MAP3K14: variants seen among roughly 807,000 people sequenced by gnomAD.
The protein encoded by MAP3K14 is mitogen-activated protein kinase kinase kinase 14.
MAP3K14 carries 16 observed loss-of-function variants against 99.2 expected under a neutral mutation model. That is an observed-to-expected ratio of 0.16 (90% confidence interval 0.11 to 0.24). The LOEUF (loss-of-function observed/expected upper bound fraction) is 0.24. Among genes scored for constraint, MAP3K14 ranks in the 10% least tolerant of loss-of-function variants. The pLI is 1.00. For missense variants in MAP3K14, 784 were observed against 1,208.7 expected (o/e 0.65, Z 5.21); for synonymous variants, 462 against 492.4 (o/e 0.94, Z 0.82).
chr17:45,290,532 C>T lies in MAP3K14; in HGVS notation c.214G>A (p.Glu72Lys), dbSNP rs757101873. The T allele has an allele frequency of 1.8e-5, 29 of 1,613,804 alleles. No homozygotes were observed. Among genetic ancestry groups the T allele is most frequent in the Admixed American group, 5.0e-5 (3 of 59,994 alleles). Reference protein sequence around the residue: ...ITKGTAKEGSEAGPAAISIIA... With the variant: ...ITKGTAKEGSKAGPAAISIIA... Reference sequence around the variant, plus strand: ...ATAGAGATGGCAGCTGGCCCTGCCTCGGAGCCTTCCTTGGCTGTGCCCTTG... The same window carrying T: ...ATAGAGATGGCAGCTGGCCCTGCCTTGGAGCCTTCCTTGGCTGTGCCCTTG... Residue 72 changes from glutamate (E) to lysine (K), a missense_variant, in exon 2 of 16, where the codon GAG becomes AAG. Coordinates refer to ENST00000344686, the MANE Select transcript of MAP3K14 (RefSeq NM_003954.5).
intron 5 of MAP3K14, among the ~76,000 whole-genome samples, chr17:45,285,493 G>A (rs2044256466): frequency 6.6e-6 from 1 of 152,104 alleles, no homozygotes; most frequent in Non-Finnish European, 1.5e-5. Context: ...AGGCATGGTA[G>A]TGCACACCTG....
intron 1 of MAP3K14, among the ~76,000 whole-genome samples, chr17:45,298,529 GAAGT>G (rs1273722125): frequency 5.3e-5 from 8 of 152,174 alleles, no homozygotes; most frequent in Non-Finnish European, 1.2e-4. Context: ...TAACCACAAA[GAAGT>G]AATATTCGTA....
intron 1 of MAP3K14, among the ~76,000 whole-genome samples, chr17:45,313,421 A>T (rs1363418609): frequency 6.6e-6 from 1 of 152,104 alleles, no homozygotes; most frequent in East Asian, 1.9e-4. Context: ...TTTCTACTCA[A>T]AACAGCCCCA....
At chr17:45,285,498 C>T (rs1021801699) in intron 5 of MAP3K14, among the ~76,000 whole-genome samples, 1 of 152,004 alleles carries the variant, frequency 6.6e-6, no homozygotes. Flanking sequence ...TGGTAGTGCA[C>T]ACCTGTAGTC....
At chr17:45,312,470 G>T (rs1183839789) in intron 1 of MAP3K14, among the ~76,000 whole-genome samples, 1 of 152,174 alleles carries the variant, frequency 6.6e-6, no homozygotes, top group Non-Finnish European at 1.5e-5. Context: ...GTTATTTAAA[G>T]GGAACAGTAG....
At chr17:45,299,705 CA>C in intron 1 of MAP3K14, among the ~76,000 whole-genome samples, 1 of 152,178 alleles carries the variant, frequency 6.6e-6, no homozygotes, top group Non-Finnish European at 1.5e-5. Flanking sequence ...AAGCATTTCC[CA>C]TTAAGGAGGA....
At chr17:45,307,776 G>A (rs2044441576) in intron 1 of MAP3K14, among the ~76,000 whole-genome samples, 1 of 152,218 alleles carries the variant, frequency 6.6e-6, no homozygotes, top group Non-Finnish European at 1.5e-5. Flanking sequence ...CTGGTGACTG[G>A]TTCTGAAATT....
intron 11 of MAP3K14, chr17:45,268,391 T>C (rs1302420918): frequency 2.0e-5 from 3 of 152,186 alleles, no homozygotes; most frequent in Non-Finnish European, 4.4e-5. Flanking sequence ...TTGCAAAATG[T>C]GCGTTGTTTT....
chr17:45,289,773 C>T (rs936345713), intron 2 of MAP3K14, among the ~76,000 whole-genome samples: 3 of 152,142 alleles, frequency 2.0e-5, no homozygotes, highest in Admixed American at 1.3e-4. Context: ...AAAAACCAAC[C>T]AGGAGGAAGT....
intron 1 of MAP3K14, among the ~76,000 whole-genome samples, chr17:45,303,969 C>T (rs2044410800): frequency 1.3e-5 from 2 of 150,878 alleles, no homozygotes; most frequent in African/African-American, 4.9e-5. Flanking sequence ...ACTATGAATA[C>T]TATTCCATCT....
chr17:45,279,713 G>A (rs193211962), intron 6 of MAP3K14, among the ~76,000 whole-genome samples: 94 of 151,766 alleles, frequency 6.2e-4, no homozygotes, highest in African/African-American at 1.9e-3. Flanking sequence ...GTGAGCCACC[G>A]CACCCAGCCT....
intron 1 of MAP3K14, among the ~76,000 whole-genome samples, chr17:45,301,961 T>G (rs1367183506): frequency 6.6e-6 from 1 of 151,988 alleles, no homozygotes; most frequent in Non-Finnish European, 1.5e-5. Flanking sequence ...GTCTCCCAAG[T>G]AGCTGGGACA....
At chr17:45,311,811 T>C (rs1259852303) in intron 1 of MAP3K14, among the ~76,000 whole-genome samples, 1 of 152,150 alleles carries the variant, frequency 6.6e-6, no homozygotes, top group Non-Finnish European at 1.5e-5. Context: ...GTCTCTCTGC[T>C]CTCTGCCAAG....
intron 8 of MAP3K14, 59 bp downstream of exon 8, chr17:45,274,060 TCAGA>T (rs1293600166): frequency 6.4e-7 from 1 of 1,574,734 alleles, no homozygotes; most frequent in African/African-American, 1.3e-5. Context: ...TGAGAGGAGA[TCAGA>T]CAGGATGGTG....
chr17:45,276,246 C>A (rs1371197342), intron 6 of MAP3K14, among the ~76,000 whole-genome samples: 1 of 152,324 alleles, frequency 6.6e-6, no homozygotes, highest in South Asian at 2.1e-4. Context: ...TCTGCAGGGA[C>A]CAGCAACTTG....
At chr17:45,307,869 G>A (rs1020468410) in intron 1 of MAP3K14, among the ~76,000 whole-genome samples, 3 of 152,230 alleles carry the variant, frequency 2.0e-5, no homozygotes, top group African/African-American at 7.2e-5. Flanking sequence ...TGCATGGAAG[G>A]AGGCACAGGT....
chr17:45,271,862 GT>G (rs1475612994), intron 9 of MAP3K14, among the ~76,000 whole-genome samples: 1 of 152,234 alleles, frequency 6.6e-6, no homozygotes, highest in Non-Finnish European at 1.5e-5. Flanking sequence ...ATACCAGTAA[GT>G]AATACTTCTT....
In MAP3K14 at chr17:45,267,638, T is replaced by C. The variant is rs2044103100; in HGVS notation, c.2094A>G (p.Pro698=). The change falls in exon 12 of 16, where the codon CCA becomes CCG. Residue 698 remains proline (P), a synonymous_variant. Coordinates refer to ENST00000344686, the MANE Select transcript of MAP3K14 (RefSeq NM_003954.5). The surrounding 1 kb of genome is among the most constrained non-coding windows in gnomAD (Gnocchi z 5.1). ...TTGTCTCCTCAGCTGGCCGGGGCCC[T>C]GGGGCCCTTGGCGAAAGCTCTCTCG... ...AQPRELSPRA[P]GPRPAEETTG... is the part of the protein sequence containing the mutation. 6.2e-7 allele frequency: 1 copy of C among 1,613,570 alleles called. No individual in the cohort carries two copies. The highest frequency in any genetic ancestry group is 8.5e-7 in the Non-Finnish European group (1 of 1,179,780).
chr17:45,297,418 A>C (rs1402461493), intron 1 of MAP3K14, among the ~76,000 whole-genome samples: 2 of 152,252 alleles, frequency 1.3e-5, no homozygotes, highest in Non-Finnish European at 2.9e-5. Context: ...TCAATTTGTC[A>C]GACTTTTAGT....
Sources: allele counts gnomAD v4.1 joint callset (sites outside exome capture counted in the v4.1 genomes callset), GRCh38; gene constraint gnomAD v4.1.1; non-coding constraint Gnocchi (gnomAD v3.1); transcripts MANE v1.5; gene names NCBI Gene and HGNC (gene_info 2026-07-23, HGNC 2026-07-21).